Variants in KIF25 observed in about 807,000 individuals in gnomAD.
KIF25 encodes kinesin family member 25.
KIF25 carries 19 observed loss-of-function variants against 32.9 expected under a neutral mutation model. The ratio of observed to expected loss-of-function variants is 0.58; its 90% CI spans 0.40 to 0.85. KIF25 has a LOEUF of 0.85. Among genes scored for constraint, KIF25 ranks in the 40% least tolerant of loss-of-function variants. The probability of loss-of-function intolerance (pLI) is 0.00; values close to 1 mark genes in which losing one functional copy is unlikely to be tolerated. For synonymous variants in KIF25, 225 were observed against 213.7 expected, an observed-to-expected ratio of 1.05 and a Z score of -0.46; for missense variants, 485 against 507.0, an observed-to-expected ratio of 0.96 and a Z score of 0.42.
chr6:168,028,006 A>G (rs1798887991), intron 5 of KIF25, among the ~76,000 whole-genome samples: 1 of 152,030 alleles, frequency 6.6e-6, no homozygotes, highest in Admixed American at 6.5e-5. Context: ...GTAGGTAAAA[A>G]GGCTGCCAGG....
Position 168,040,124 on chromosome 6 carries a change from C to A in KIF25, c.554C>A (p.Ala185Glu), listed in dbSNP as rs373252998. The A allele has an allele frequency of 6.2e-7, 1 of 1,614,076 alleles. No homozygotes were observed. The highest frequency in any genetic ancestry group is 1.1e-5 in the South Asian group (1 of 91,080). ...ELVHGGLQLR[A>E]KHPTLVHADS... The stretch of plus-strand genomic sequence containing the variant: ...GTTCATGGAGGTCTGCAGCTCAGGG[C>A]GAAGCACCCCACCCTGGTGCACGCG... Residue 185 changes from alanine (A) to glutamate (E), a missense_variant, in exon 10 of 13, where the codon GCG becomes GAG. This residue lies in a region of KIF25 where 480 missense variants were observed against 470.3 expected (regional missense o/e 1.02). Coordinates refer to ENST00000643607, the MANE Select transcript of KIF25 (RefSeq NM_030615.4).
At chr6:168,042,749 G>T (rs759491711) in intron 12 of KIF25, 33 bp downstream of exon 12, 9 of 1,590,738 alleles carry the variant, frequency 5.7e-6, no homozygotes, top group Non-Finnish European at 7.7e-6. Context: ...CCCAGGATGG[G>T]GGACCACGTA....
At chr6:168,027,984 G>A (rs1018623980) in intron 5 of KIF25, among the ~76,000 whole-genome samples, 2 of 152,096 alleles carry the variant, frequency 1.3e-5, no homozygotes, top group African/African-American at 4.8e-5. Context: ...ACACGAACAT[G>A]TTTACATGAT....
intron 5 of KIF25, among the ~76,000 whole-genome samples, chr6:168,027,469 A>C (rs1798877989): frequency 7.4e-6 from 1 of 135,884 alleles, no homozygotes; most frequent in African/African-American, 2.7e-5. Flanking sequence ...AAAAAAAAAA[A>C]AAAAAAGAGA....
intron 7 of KIF25, among the ~76,000 whole-genome samples, chr6:168,032,766 G>T (rs2114902172): frequency 6.6e-6 from 1 of 152,348 alleles, no homozygotes; most frequent in Middle Eastern, 3.4e-3. Context: ...CGGAGTCACA[G>T]TTGACCAGTT....
At chr6:168,009,591 G>C (rs1034585888) in intron 4 of KIF25, among the ~76,000 whole-genome samples, 1 of 152,120 alleles carries the variant, frequency 6.6e-6, no homozygotes, top group Non-Finnish European at 1.5e-5. Flanking sequence ...CTTGTAGAAT[G>C]AGTTAGCAAG....
chr6:168,028,996 A>G (rs1798902981), intron 5 of KIF25, among the ~76,000 whole-genome samples: 1 of 151,836 alleles, frequency 6.6e-6, no homozygotes, highest in Admixed American at 6.6e-5. Context: ...TTCATTTTGG[A>G]TTTCTCAGAT....
Position 168,030,791 on chromosome 6 carries a change from G to C in KIF25, c.111G>C (p.Glu37Asp). The C allele has an allele frequency of 1.2e-6, 2 of 1,613,106 alleles. No homozygotes were observed. Among genetic ancestry groups the C allele is most frequent in the East Asian group, 4.5e-5 (2 of 44,772 alleles). ...CTCTCAGGGTTTATGGTCCAGCAGA[G>C]TCTCAGAGCGCGGTCTTTGGAGATG... Reference protein sequence around the residue: ...DKDLRVYGPAESQSAVFGDVC... With the variant: ...DKDLRVYGPADSQSAVFGDVC... Residue 37 changes from glutamate (E) to aspartate (D), a missense_variant, in exon 7 of 13, where the codon GAG becomes GAC. This residue lies in a region of KIF25 where 480 missense variants were observed against 470.3 expected (regional missense o/e 1.02). Coordinates refer to ENST00000643607, the MANE Select transcript of KIF25 (RefSeq NM_030615.4).
At chr6:168,036,874 C>T (rs1799032672) in intron 8 of KIF25, among the ~76,000 whole-genome samples, 1 of 152,108 alleles carries the variant, frequency 6.6e-6, no homozygotes, top group African/African-American at 2.4e-5. Flanking sequence ...CCAGCCTGGC[C>T]AACATGGCAA....
chr6:168,015,522 C>T (rs935888011), intron 4 of KIF25, among the ~76,000 whole-genome samples: 1 of 152,176 alleles, frequency 6.6e-6, no homozygotes, highest in Non-Finnish European at 1.5e-5. Flanking sequence ...ATTCCAGAGG[C>T]AGGGGCCATG....
In KIF25 at chr6:168,017,973, G is replaced by T; in HGVS notation, c.-162G>T. The stretch of plus-strand genomic sequence containing the variant: ...ACGTCGTTTTACTCTTTTCTCTCAG[G>T]AAACAATTCTGGTGAAATGTGATCG... On this transcript the variant is annotated splice_region_variant and 5_prime_UTR_variant, in exon 5 of 13. Transcript: ENST00000643607. 6.6e-6 allele frequency: 1 copy of T among 152,544 alleles called. No homozygotes were observed. The highest frequency in any genetic ancestry group is 1.9e-4 in the East Asian group (1 of 5,190). The allele number at this position is 152,544 out of a possible 1,614,324, so 9.4% of individuals were successfully genotyped here. A position where few individuals can be genotyped will look rare whatever the true frequency, so the allele number is the denominator to read the frequency against.
Position 168,041,981 on chromosome 6 carries a change from G to T in KIF25, c.659G>T (p.Cys220Phe). 6 of 1,551,734 alleles carry T rather than the reference G, an allele frequency of 3.9e-6. No homozygotes were observed. Among genetic ancestry groups the T allele is most frequent in the South Asian group, 1.2e-5 (1 of 84,054 alleles). Residue 220 changes from cysteine (C) to phenylalanine (F), a missense_variant, in exon 11 of 13, where the codon TGC (cysteine) becomes TTC (phenylalanine). Coordinates refer to ENST00000643607, the MANE Select transcript of KIF25 (RefSeq NM_030615.4). Reference sequence around the variant, plus strand: ...TGGTCCCTTGCAGCAGACCAAGCCTGCAGTGCCACCCTCCCCAGGGAGCAA... The same window carrying T: ...TGGTCCCTTGCAGCAGACCAAGCCTTCAGTGCCACCCTCCCCAGGGAGCAA... ...SCSDSTADQACSATLPREQTE... is the reference protein window; with the variant it reads ...SCSDSTADQAFSATLPREQTE...
chr6:168,013,020 T>G (rs1360967854), intron 4 of KIF25, among the ~76,000 whole-genome samples: 1 of 152,032 alleles, frequency 6.6e-6, no homozygotes, highest in Non-Finnish European at 1.5e-5. Flanking sequence ...CAAGGCTGCA[T>G]GCCTGGCTCG....
At chr6:167,999,456 C>T (rs1798467135) in intron 2 of KIF25, 136 bp downstream of exon 2, 1 of 152,320 alleles carries the variant, frequency 6.6e-6, no homozygotes. Flanking sequence ...GGTGGGGGCT[C>T]TGTTTAAGGA....
intron 4 of KIF25, among the ~76,000 whole-genome samples, chr6:168,012,968 G>A (rs73788679): frequency 0.14 from 20,765 of 152,116 alleles, 1,452 homozygotes; most frequent in South Asian, 0.19. Context: ...TGTCCACCAG[G>A]GGTGAACTAT....
intron 12 of KIF25, among the ~76,000 whole-genome samples, chr6:168,043,343 C>A (rs1799159838): frequency 6.6e-6 from 1 of 152,166 alleles, no homozygotes; most frequent in South Asian, 2.1e-4. Context: ...TGGCCCTGGG[C>A]CCTGTAGGCC....
At chr6:168,013,228 A>T (rs1377022841) in intron 4 of KIF25, among the ~76,000 whole-genome samples, 1 of 151,436 alleles carries the variant, frequency 6.6e-6, no homozygotes, top group Non-Finnish European at 1.5e-5. Flanking sequence ...GCTTGGGGAA[A>T]GGTGAACAGC....
At chr6:168,032,228 C>G (rs1434726153) in intron 7 of KIF25, among the ~76,000 whole-genome samples, 3 of 152,212 alleles carry the variant, frequency 2.0e-5, no homozygotes, top group Non-Finnish European at 2.9e-5. Flanking sequence ...TTAGAGTGCC[C>G]TGGCCAAGGA....
intron 4 of KIF25, among the ~76,000 whole-genome samples, chr6:168,005,350 G>A (rs933587236): frequency 3.3e-5 from 5 of 152,182 alleles, no homozygotes; most frequent in East Asian, 1.9e-4. Flanking sequence ...AGAGCCCCCC[G>A]GAAAATGAAG....
Sources: gnomAD v4.1 joint callset for allele counts (sites outside exome capture counted in the v4.1 genomes callset) on GRCh38, gnomAD v4.1.1 for gene constraint, gnomAD v4.1.1 regional missense constraint, MANE v1.5 for transcripts, NCBI Gene and HGNC (gene_info 2026-07-23, HGNC 2026-07-21) for gene names.